Variants in WWC2 observed in about 807,000 individuals in gnomAD.
WWC2 encodes the protein protein WWC2.
In WWC2, 101 loss-of-function variants were observed where a neutral mutation model predicts 138.5. That is an observed-to-expected ratio of 0.73 (90% confidence interval 0.62 to 0.86). The LOEUF is 0.86. Ranked by LOEUF, WWC2 falls within the 40% of genes least tolerant of loss-of-function variation. The pLI, the probability that WWC2 is intolerant of heterozygous loss-of-function variation, is 0.00. For synonymous variants in WWC2, 558 were observed against 538.4 expected (o/e 1.04, Z -0.50); for missense variants, 1,420 against 1,419.4 (o/e 1.00, Z -0.01).
rs143214714 is a variant in WWC2 at position 183,301,325 on chromosome 4, C to G, written c.3385-11016C>G. On this transcript the variant is annotated intron_variant, in intron 21 of 22. Transcript: ENST00000403733. The stretch of plus-strand genomic sequence containing the variant: ...CTTGTATTTGAATCACATAAATTCA[C>G]AAGCTCCAGCTGGCAATTAAATTAT... Among the ~76,000 whole-genome samples the G allele has an allele frequency of 7.9e-5, 12 of 152,258 alleles. No homozygotes were observed. The East Asian group carries it at 2.3e-3, about 29-fold the overall frequency.
rs534108360 is a variant in WWC2, at chr4:183,254,725, C to T, written c.1196+726C>T. Among the ~76,000 whole-genome samples the T allele has an allele frequency of 5.9e-5, 9 of 152,282 alleles. No individual in the cohort carries two copies. The South Asian group carries it at 1.9e-3, about 32-fold the overall frequency. Reference sequence around the variant, plus strand: ...CCTGTTTCAGGACAGACCAGAGAGCCGTTGAGAACGACCGCATGTACATCC... The same window carrying T: ...CCTGTTTCAGGACAGACCAGAGAGCTGTTGAGAACGACCGCATGTACATCC... On this transcript the variant is annotated intron_variant, in intron 9 of 22. Coordinates refer to ENST00000403733, the MANE Select transcript of WWC2 (RefSeq NM_024949.6).
At chr4:183,189,669 A>T (rs1250183997) in intron 1 of WWC2, among the ~76,000 whole-genome samples, 1 of 152,212 alleles carries the variant, frequency 6.6e-6, no homozygotes, top group Non-Finnish European at 1.5e-5. Context: ...TGTGTTAGCT[A>T]AACAATGAGA....
intron 1 of WWC2, among the ~76,000 whole-genome samples, chr4:183,112,324 T>C (rs1027823197): frequency 6.6e-6 from 1 of 152,212 alleles, no homozygotes; most frequent in East Asian, 1.9e-4. Flanking sequence ...TAAAATTGAT[T>C]CTAAGTTATT....
At chr4:183,214,069 T>C (rs1580065024) in intron 4 of WWC2, among the ~76,000 whole-genome samples, 3 of 152,332 alleles carry the variant, frequency 2.0e-5, no homozygotes, top group Admixed American at 2.0e-4. Flanking sequence ...AGAAAGTCTT[T>C]AGAAATACTA....
rs555056007 is a variant in WWC2, at chr4:183,206,141, C to T, written c.242-1812C>T. Among the ~76,000 whole-genome samples, 27 of 152,170 alleles carry T rather than the reference C, an allele frequency of 1.8e-4. No individual in the cohort carries two copies. The South Asian group carries it at 2.7e-3, about 15-fold the overall frequency. ...CTTTCAGACAGAAATGTAGGGTAAT[C>T]GTGGGGTTCATTTCCCTTCTCTCAG... On this transcript the variant is annotated intron_variant, in intron 2 of 22. Transcript: ENST00000403733.
intron 21 of WWC2, among the ~76,000 whole-genome samples, chr4:183,305,947 C>T (rs892622215): frequency 6.6e-6 from 1 of 152,028 alleles, no homozygotes; most frequent in Non-Finnish European, 1.5e-5. Context: ...TGTATGCTTA[C>T]GTATAAGTGA....
At chr4:183,141,961 T>C (rs982124268) in intron 1 of WWC2, among the ~76,000 whole-genome samples, 14 of 152,162 alleles carry the variant, frequency 9.2e-5, no homozygotes, top group African/African-American at 3.4e-4. Flanking sequence ...GGACATGTGT[T>C]TAGTAAGTAA....
chr4:183,220,938 A>G (rs1488566887), intron 4 of WWC2, among the ~76,000 whole-genome samples: 1 of 152,162 alleles, frequency 6.6e-6, no homozygotes, highest in African/African-American at 2.4e-5. Flanking sequence ...AGAATAGAGG[A>G]AGAAAATATG....
In WWC2 at chr4:183,317,019, A is replaced by G. The variant is rs1739461831; in HGVS notation, c.*1290A>G. On this transcript the variant is annotated 3_prime_UTR_variant, in exon 23 of 23. Transcript: ENST00000403733. Reference sequence around the variant, plus strand: ...CCTCAGTGCAGCTCTGCCAGCATCAAGGCTTTTAAAATATGTAGTATTTAG... The same window carrying G: ...CCTCAGTGCAGCTCTGCCAGCATCAGGGCTTTTAAAATATGTAGTATTTAG... 6.6e-6 allele frequency: 1 copy of G among 152,200 alleles called. No homozygotes were observed. The highest frequency in any genetic ancestry group is 6.5e-5 in the Admixed American group (1 of 15,280). 9.4% of individuals were successfully genotyped at this position (152,200 alleles called of 1,614,324 possible).
chr4:183,249,729 G>C (rs1736913005), intron 7 of WWC2, among the ~76,000 whole-genome samples, 191 bp from the exon 8 acceptor site: 1 of 152,158 alleles, frequency 6.6e-6, no homozygotes. Flanking sequence ...AAAAACAGAT[G>C]AGCTTGAATT....
At chr4:183,117,468 G>A (rs377223150) in intron 1 of WWC2, among the ~76,000 whole-genome samples, 1 of 151,958 alleles carries the variant, frequency 6.6e-6, no homozygotes, top group East Asian at 1.9e-4. Flanking sequence ...TGATCTGCCC[G>A]CCTCAGCCTC....
intron 1 of WWC2, among the ~76,000 whole-genome samples, chr4:183,110,086 C>T (rs1732184969): frequency 6.6e-6 from 1 of 152,098 alleles, no homozygotes; most frequent in Non-Finnish European, 1.5e-5. Context: ...ATGGCAGGGC[C>T]TAAAGTAGAG....
chr4:183,166,499 A>T (rs1734134233), intron 1 of WWC2, among the ~76,000 whole-genome samples: 1 of 152,122 alleles, frequency 6.6e-6, no homozygotes, highest in African/African-American at 2.4e-5. Flanking sequence ...ATCTCACAGG[A>T]TATTTTTTGC....
At chr4:183,259,534 A>G (rs1737256967) in intron 9 of WWC2, 105 bp from the exon 10 acceptor site, 3 of 912,276 alleles carry the variant, frequency 3.3e-6, no homozygotes, top group Admixed American at 3.0e-5. Flanking sequence ...GCCCATTCAC[A>G]TTTTTCCCTT....
intron 1 of WWC2, among the ~76,000 whole-genome samples, chr4:183,179,699 T>G (rs1176356449): frequency 6.6e-6 from 1 of 152,022 alleles, no homozygotes; most frequent in East Asian, 1.9e-4. Flanking sequence ...AGGGGGAAGT[T>G]AAAGCGTTGT....
chr4:183,167,084 T>C (rs1734149877), intron 1 of WWC2, among the ~76,000 whole-genome samples: 1 of 152,216 alleles, frequency 6.6e-6, no homozygotes, highest in Admixed American at 6.5e-5. Flanking sequence ...CAAACCACCA[T>C]GGTTTGTGAA....
intron 5 of WWC2, among the ~76,000 whole-genome samples, chr4:183,241,717 A>G (rs1377900474): frequency 1.3e-5 from 2 of 152,216 alleles, no homozygotes; most frequent in African/African-American, 4.8e-5. Flanking sequence ...AACCAGGCAG[A>G]ACTAGAATGA....
rs545980456 is a variant in WWC2, at chr4:183,236,878, A to G, written c.523-3305A>G. 5.9e-5 allele frequency among the ~76,000 whole-genome samples: 9 copies of G among 152,206 alleles called. No individual in the cohort carries two copies. In the South Asian group the frequency reaches 1.9e-3, roughly 32 times the overall value. On this transcript the variant is annotated intron_variant, in intron 4 of 22. Coordinates refer to ENST00000403733, the MANE Select transcript of WWC2 (RefSeq NM_024949.6). ...CATTTTAATAATATTGATTCTTCCA[A>G]TCCATGAACATGGTCTATCTTACCT... is the stretch of plus-strand genomic sequence containing the variant.
chr4:183,136,144 G>A (rs566794142), intron 1 of WWC2, among the ~76,000 whole-genome samples: 2 of 152,168 alleles, frequency 1.3e-5, no homozygotes, highest in South Asian at 4.2e-4. Context: ...TCTGTAGATA[G>A]GTGTTCTTTT....
Sources: allele counts gnomAD v4.1 joint callset (sites outside exome capture counted in the v4.1 genomes callset), GRCh38; gene constraint gnomAD v4.1.1; transcripts MANE v1.5; gene names NCBI Gene and HGNC (gene_info 2026-07-23, HGNC 2026-07-21).